UVRAG: variants seen among roughly 807,000 people sequenced by gnomAD.
The protein encoded by UVRAG is UV radiation resistance associated, also known as UV radiation resistance-associated gene protein.
UVRAG carries 19 observed loss-of-function variants against 78.0 expected under a neutral mutation model. The observed-to-expected ratio is 0.24, with a 90% CI of 0.17 to 0.36. The LOEUF is 0.36. Ranked by LOEUF, UVRAG falls within the 10% of genes least tolerant of loss-of-function variation. UVRAG has a pLI of 1.00. For synonymous variants in UVRAG, 323 were observed against 324.6 expected, an observed-to-expected ratio of 1.00 and a Z score of 0.05; for missense variants, 740 against 853.8, an observed-to-expected ratio of 0.87 and a Z score of 1.66.
intron 1 of UVRAG, among the ~76,000 whole-genome samples, chr11:75,832,569 T>C (rs1945682356): frequency 1.3e-5 from 2 of 152,214 alleles, no homozygotes; most frequent in African/African-American, 4.8e-5. Context: ...CACTTCAATG[T>C]ATCCACCATT....
chr11:75,855,591 C>T (rs889441229), intron 2 of UVRAG, among the ~76,000 whole-genome samples: 2 of 152,110 alleles, frequency 1.3e-5, no homozygotes, highest in Non-Finnish European at 2.9e-5. Context: ...TTATGACAAA[C>T]GTGAATATTT....
At chr11:75,954,063 T>G (rs1266804250) in intron 6 of UVRAG, among the ~76,000 whole-genome samples, 4 of 152,212 alleles carry the variant, frequency 2.6e-5, no homozygotes, top group East Asian at 1.9e-4. Flanking sequence ...CCCAGGGGAA[T>G]CAGGATGTCC....
intron 4 of UVRAG, among the ~76,000 whole-genome samples, chr11:75,883,534 A>G (rs571476800): frequency 3.3e-5 from 5 of 152,312 alleles, no homozygotes; most frequent in African/African-American, 9.6e-5. Context: ...GTTTTGGAGG[A>G]ACATGAGGCT....
At chr11:75,968,695 C>T (rs906942691) in intron 7 of UVRAG, among the ~76,000 whole-genome samples, 1 of 152,224 alleles carries the variant, frequency 6.6e-6, no homozygotes. Flanking sequence ...AGGCATATCC[C>T]TGTGTTCTCT....
intron 7 of UVRAG, among the ~76,000 whole-genome samples, chr11:75,977,988 G>A (rs1471160783): frequency 2.0e-5 from 3 of 152,206 alleles, no homozygotes; most frequent in African/African-American, 7.2e-5. Flanking sequence ...AATTTGGCAT[G>A]TTTTTGCAGT....
intron 9 of UVRAG, among the ~76,000 whole-genome samples, chr11:76,005,709 G>T (rs144324436): frequency 4.0e-4 from 61 of 152,380 alleles, no homozygotes; most frequent in South Asian, 2.3e-3. Flanking sequence ...CCCAGGTTGT[G>T]ACCTGTGCTT....
At position 76,141,479 on chromosome 11, in the gene UVRAG, A is replaced by C; in HGVS notation, c.*66A>C. On this transcript the variant is annotated 3_prime_UTR_variant, in exon 15 of 15. Transcript: ENST00000356136. ...CTAAAATGAAGTGAAAGCTGCACTT[A>C]ACCCTTTGTGATAATGATGACACAA... The C allele has an allele frequency of 7.0e-7, 1 of 1,430,282 alleles. No homozygotes were observed. The highest frequency in any genetic ancestry group is 9.5e-7 in the Non-Finnish European group (1 of 1,048,374). The allele number at this position is 1,430,282 out of a possible 1,614,324, so 88.6% of individuals were successfully genotyped here.
intron 4 of UVRAG, among the ~76,000 whole-genome samples, chr11:75,885,980 T>G (rs1947068533): frequency 6.6e-6 from 1 of 152,098 alleles, no homozygotes; most frequent in Non-Finnish European, 1.5e-5. Context: ...GCAGGAAATG[T>G]TTTCTGGTTT....
intron 3 of UVRAG, among the ~76,000 whole-genome samples, chr11:75,864,950 T>C (rs974873796): frequency 6.6e-6 from 1 of 152,106 alleles, no homozygotes; most frequent in African/African-American, 2.4e-5. Flanking sequence ...AGTGGCTTGG[T>C]TTCATCACTC....
chr11:76,041,680 A>G (rs1005445789), intron 12 of UVRAG, among the ~76,000 whole-genome samples: 2 of 152,210 alleles, frequency 1.3e-5, no homozygotes, highest in East Asian at 3.8e-4. Context: ...TCTTTTGTTC[A>G]TCTGTAACCT....
intron 12 of UVRAG, among the ~76,000 whole-genome samples, chr11:76,061,282 A>G (rs959180614): frequency 6.6e-6 from 1 of 152,066 alleles, no homozygotes; most frequent in Non-Finnish European, 1.5e-5. Context: ...TAGCTCAGGG[A>G]TTGTAAACGC....
chr11:75,998,511 G>GA lies in UVRAG; in HGVS notation c.827-5485dup, dbSNP rs201292983. Among the ~76,000 whole-genome samples the GA allele has an allele frequency of 1.6e-3, 239 of 149,924 alleles. 2 individuals carry two copies. Among genetic ancestry groups the GA allele is most frequent in the African/African-American group, 5.1e-3 (208 of 40,916 alleles). ...GTTTCACTTCTACCCTGAGAATAAAGAAAAAAAAACACTGGATAATATACA... is the reference window on the plus strand; with the variant it reads ...GTTTCACTTCTACCCTGAGAATAAAGAAAAAAAAAACACTGGATAATATACA... On this transcript the variant is annotated intron_variant, in intron 8 of 14. Transcript: ENST00000356136.
intron 5 of UVRAG, among the ~76,000 whole-genome samples, chr11:75,900,955 G>C (rs1233320683): frequency 1.3e-5 from 2 of 152,162 alleles, no homozygotes; most frequent in African/African-American, 4.8e-5. Flanking sequence ...TACTCATTCA[G>C]CTCAGGTTAA....
intron 12 of UVRAG, among the ~76,000 whole-genome samples, chr11:76,064,079 T>G (rs1951142798): frequency 6.6e-6 from 1 of 152,226 alleles, no homozygotes; most frequent in Non-Finnish European, 1.5e-5. Context: ...TAAGTCCCAC[T>G]GAAGTCATAA....
At chr11:75,849,004 C>A (rs1946094358) in intron 1 of UVRAG, among the ~76,000 whole-genome samples, 1 of 151,982 alleles carries the variant, frequency 6.6e-6, no homozygotes, top group African/African-American at 2.4e-5. Flanking sequence ...CATGGTGAAA[C>A]CCTGTCTTTA....
intron 13 of UVRAG, among the ~76,000 whole-genome samples, chr11:76,088,295 T>C (rs2134422506): frequency 6.6e-6 from 1 of 152,286 alleles, no homozygotes; most frequent in Non-Finnish European, 1.5e-5. Context: ...TTGCCTCTAC[T>C]AAGGTAGAGT....
intron 13 of UVRAG, among the ~76,000 whole-genome samples, chr11:76,113,417 G>A (rs1952118594): frequency 6.6e-6 from 1 of 152,106 alleles, no homozygotes. Flanking sequence ...TCTCTAACTG[G>A]AGGGGAAGGG....
Position 76,143,724 on chromosome 11 carries a change from G to A in UVRAG, c.*2311G>A, listed in dbSNP as rs1030475234. Among the ~76,000 whole-genome samples the A allele has an allele frequency of 1.1e-4, 17 of 152,226 alleles. No individual in the cohort carries two copies. Among genetic ancestry groups the A allele is most frequent in the Admixed American group, 4.6e-4 (7 of 15,280 alleles). On this transcript the variant is annotated 3_prime_UTR_variant, in exon 15 of 15. Transcript: ENST00000356136. ...CCGTCTCCTGGAATAACTGTTTGAC[G>A]TTTTCCAAAGTTGTAGAGTTAGTAT...
Position 75,815,488 on chromosome 11 carries a change from C to T in UVRAG, c.81C>T (p.Ala27=), listed in dbSNP as rs931435135. 2 of 1,243,506 alleles carry T rather than the reference C, an allele frequency of 1.6e-6. No homozygotes were observed. The highest frequency in any genetic ancestry group is 2.0e-6 in the Non-Finnish European group (2 of 993,384). The allele number at this position is 1,243,506 out of a possible 1,614,324, so 77.0% of individuals were successfully genotyped here. A position where few individuals can be genotyped will look rare whatever the true frequency, so the allele number is the denominator to read the frequency against. ...CCGCTGCTCTGCCTCCCGGTTCTGC[C>T]GCGCGGGCCCTGCATGTGGAGCTGC... The part of the protein sequence containing the change: ...GPAAALPPGS[A]ARALHVELPS... The change falls in exon 1 of 15, where the codon GCC becomes GCT. Residue 27 remains alanine, a synonymous_variant. Transcript: ENST00000356136.
Sources: allele counts gnomAD v4.1 joint callset (sites outside exome capture counted in the v4.1 genomes callset), GRCh38; gene constraint gnomAD v4.1.1; transcripts MANE v1.5; gene names NCBI Gene and HGNC (gene_info 2026-07-23, HGNC 2026-07-21).